Variants in GABRD observed in about 807,000 individuals in gnomAD.
The protein encoded by GABRD is gamma-aminobutyric acid type A receptor subunit delta.
A neutral mutation model predicts 47.3 loss-of-function variants in GABRD; 25 were observed. The observed-to-expected ratio is 0.53, with a 90% CI of 0.39 to 0.74. GABRD has a LOEUF of 0.74. Ranked by LOEUF, GABRD falls within the 30% of genes least tolerant of loss-of-function variation. The pLI, the probability that GABRD is intolerant of heterozygous loss-of-function variation, is 0.00. For missense variants in GABRD, 497 were observed against 643.4 expected (o/e 0.77, Z 2.46); for synonymous variants, 314 against 278.8 (o/e 1.13, Z -1.26).
chr1:2,029,394 G>C, intron 7 of GABRD, 128 bp downstream of exon 7: 5 of 1,416,790 alleles, frequency 3.5e-6, no homozygotes, highest in Non-Finnish European at 4.7e-6. Context: ...GCAGTGGCCA[G>C]CCGGGCCAGG....
In GABRD at chr1:2,019,397, G is replaced by T; in HGVS notation, c.-27G>T. 3.8e-6 allele frequency: 4 copies of T among 1,054,034 alleles called. No individual in the cohort carries two copies. Among genetic ancestry groups the T allele is most frequent in the South Asian group, 7.5e-5 (2 of 26,798 alleles). 65.3% of individuals were successfully genotyped at this position (1,054,034 alleles called of 1,614,324 possible). A position where few individuals can be genotyped will look rare whatever the true frequency, so the allele number is the denominator to read the frequency against. On this transcript the variant is annotated 5_prime_UTR_variant, in exon 1 of 9. Transcript: ENST00000378585. ...CGGCCGCCGGGAGCCAAGTTTGCGC[G>T]GACCCCGTCCCGAGCCCGCCGCGGC...
intron 1 of GABRD, 100 bp from the exon 2 acceptor site, chr1:2,024,842 C>G: frequency 1.2e-6 from 1 of 841,868 alleles, no homozygotes; most frequent in Non-Finnish European, 1.9e-6. Flanking sequence ...ATGCCCTGGC[C>G]CAGGTGCCCA....
chr1:2,029,322 G>T, intron 7 of GABRD, 56 bp downstream of exon 7: 1 of 1,520,622 alleles, frequency 6.6e-7, no homozygotes, highest in Non-Finnish European at 8.8e-7. Context: ...TGGGGAACAG[G>T]ACTCCCCATC....
In GABRD at chr1:2,028,206, A is replaced by G. The variant is rs1658981961; in HGVS notation, c.605A>G (p.His202Arg). Residue 202 changes from histidine to arginine, a missense_variant, in exon 6 of 9, where the codon CAC becomes CGC. Around this residue, in one of 3 missense-constraint regions of GABRD, gnomAD observed 285 missense variants for 436.6 expected, o/e 0.65. Coordinates refer to ENST00000378585, the MANE Select transcript of GABRD (RefSeq NM_000815.5). The surrounding 1 kb of genome is among the most constrained non-coding windows in gnomAD (Gnocchi z 6.4). ...IVYYWSESQE[H>R]IHGLDKLQLA... Reference sequence around the variant, plus strand: ...TACTACTGGTCGGAGAGCCAGGAGCACATCCACGGGCTGGACAAGCTGCAG... The same window carrying G: ...TACTACTGGTCGGAGAGCCAGGAGCGCATCCACGGGCTGGACAAGCTGCAG... The G allele has an allele frequency of 3.7e-6, 6 of 1,612,584 alleles. No individual in the cohort carries two copies. The highest frequency in any genetic ancestry group is 5.1e-6 in the Non-Finnish European group (6 of 1,179,830).
chr1:2,028,411 T>A lies in GABRD; in HGVS notation c.691+119T>A. ...GTGCGCCCGCCTGTGGTTTTCATGC[T>A]TTTTAGTCAAGCGCCCGCAGGCCCC... is the stretch of plus-strand genomic sequence containing the variant. On this transcript the variant is annotated intron_variant, in intron 6 of 8. Coordinates refer to ENST00000378585, the MANE Select transcript of GABRD (RefSeq NM_000815.5). The surrounding 1 kb of genome is among the most constrained non-coding windows in gnomAD (Gnocchi z 6.4). The A allele has an allele frequency of 8.5e-7, 1 of 1,170,922 alleles. No homozygotes were observed. Among genetic ancestry groups the A allele is most frequent in the Non-Finnish European group, 1.1e-6 (1 of 912,338 alleles). The allele number at this position is 1,170,922 out of a possible 1,614,324, so 72.5% of individuals were successfully genotyped here.
intron 4 of GABRD, among the ~76,000 whole-genome samples, chr1:2,025,958 C>G (rs1658914899): frequency 6.6e-6 from 1 of 152,240 alleles, no homozygotes; most frequent in African/African-American, 2.4e-5. Flanking sequence ...GCAGATGTGG[C>G]TTTTTGGCCA....
At chr1:2,022,742 C>A (rs545762544) in intron 1 of GABRD, among the ~76,000 whole-genome samples, 1 of 152,372 alleles carries the variant, frequency 6.6e-6, no homozygotes, top group South Asian at 2.1e-4. Context: ...CCTCCTTAGC[C>A]CTGTGCCGGG....
intron 5 of GABRD, 71 bp downstream of exon 5, chr1:2,027,730 C>A: frequency 7.2e-7 from 1 of 1,388,566 alleles, no homozygotes; most frequent in South Asian, 1.2e-5. Flanking sequence ...CAGCCCGGGG[C>A]CTGGACAAGG....
chr1:2,027,582 C>T lies in GABRD; in HGVS notation c.476C>T (p.Thr159Ile), dbSNP rs955512295. 1 of 1,613,352 alleles carries T rather than the reference C, an allele frequency of 6.2e-7. No homozygotes were observed. Among genetic ancestry groups the T allele is most frequent in the Non-Finnish European group, 8.5e-7 (1 of 1,179,738 alleles). The change falls in exon 5 of 9, where the codon ACC (threonine) becomes ATC (isoleucine). Residue 159 changes from threonine to isoleucine, a missense_variant. Transcript: ENST00000378585. Reference protein sequence around the residue: ...DGVILYSIRITSTVACDMDLA... With the variant: ...DGVILYSIRIISTVACDMDLA... ...TGCCATGCTTGTCTTGGCAGAATCA[C>T]CTCCACTGTGGCCTGCGACATGGAC... is the stretch of plus-strand genomic sequence containing the variant.
chr1:2,027,801 C>A (rs759842260), intron 5 of GABRD, 142 bp downstream of exon 5: 1 of 797,252 alleles, frequency 1.3e-6, no homozygotes. Flanking sequence ...GAAGCCTGGG[C>A]AGGAGGAGAA....
In GABRD at chr1:2,027,628, C is replaced by A. The variant is rs534661864; in HGVS notation, c.522C>A (p.Asp174Glu). The change falls in exon 5 of 9, where the codon GAC (aspartate) becomes GAA (glutamate). Residue 174 changes from aspartate (D) to glutamate (E), a missense_variant. Asp to Glu is a conservative substitution (Grantham distance 45). Coordinates refer to ENST00000378585, the MANE Select transcript of GABRD (RefSeq NM_000815.5). The part of the protein sequence containing the change: ...CDMDLAKYPM[D>E]EQECMLDLES... ...TGGACCTGGCCAAATACCCCATGGACGAGCAGGAGTGCATGCTGGACCTGG... is the reference window on the plus strand; with the variant it reads ...TGGACCTGGCCAAATACCCCATGGAAGAGCAGGAGTGCATGCTGGACCTGG... 6.2e-7 allele frequency: 1 copy of A among 1,613,936 alleles called. No individual in the cohort carries two copies.
At position 2,028,545 on chromosome 1, in the gene GABRD, T is replaced by A. The variant is rs540196780; in HGVS notation, c.691+253T>A. On this transcript the variant is annotated intron_variant, in intron 6 of 8. Coordinates refer to ENST00000378585, the MANE Select transcript of GABRD (RefSeq NM_000815.5). This position sits in a 1 kb window ranked among gnomAD's most constrained non-coding sequence, Gnocchi z 6.4. ...AGGCCTGCCATTGTGTGGGCGTGGG[T>A]CAGGCCTTCCCATCTCACTCCTTGG... Among the ~76,000 whole-genome samples the A allele has an allele frequency of 6.6e-5, 10 of 152,150 alleles. No individual in the cohort carries two copies. In the East Asian group the frequency reaches 1.9e-3, roughly 29 times the overall value.
intron 1 of GABRD, among the ~76,000 whole-genome samples, chr1:2,019,819 G>A (rs949565284): frequency 6.6e-6 from 1 of 152,196 alleles, no homozygotes; most frequent in African/African-American, 2.4e-5. Context: ...AGGGTCCCCG[G>A]GTCCGCGGCA....
intron 1 of GABRD, 83 bp downstream of exon 1, chr1:2,019,574 C>T (rs1336508282): frequency 3.5e-6 from 3 of 853,740 alleles, no homozygotes; most frequent in Non-Finnish European, 4.4e-6. Flanking sequence ...GGGAGAGCGG[C>T]CGGCGCGAGC....
chr1:2,027,509 G>T, intron 4 of GABRD, 68 bp from the exon 5 acceptor site: 1 of 1,308,950 alleles, frequency 7.6e-7, no homozygotes, highest in East Asian at 2.5e-5. Flanking sequence ...TCTCTGCAGG[G>T]GAACTGCCAG....
At position 2,019,402 on chromosome 1, in the gene GABRD, C is replaced by G; in HGVS notation, c.-22C>G. 1 of 1,061,898 alleles carries G rather than the reference C, an allele frequency of 9.4e-7. No homozygotes were observed. The highest frequency in any genetic ancestry group is 1.1e-6 in the Non-Finnish European group (1 of 881,236). The allele number at this position is 1,061,898 out of a possible 1,614,324, so 65.8% of individuals were successfully genotyped here. On this transcript the variant is annotated 5_prime_UTR_variant, in exon 1 of 9. Coordinates refer to ENST00000378585, the MANE Select transcript of GABRD (RefSeq NM_000815.5). ...GCCGGGAGCCAAGTTTGCGCGGACCCCGTCCCGAGCCCGCCGCGGCCATGG... is the reference window on the plus strand; with the variant it reads ...GCCGGGAGCCAAGTTTGCGCGGACCGCGTCCCGAGCCCGCCGCGGCCATGG...
At chr1:2,026,711 T>G in intron 4 of GABRD, 1 of 152,062 alleles carries the variant, frequency 6.6e-6, no homozygotes, top group East Asian at 1.9e-4. Context: ...GGTGGGGGCC[T>G]GTAGTCCCAG....
chr1:2,030,058 C>T lies in GABRD; in HGVS notation c.1135C>T (p.Arg379Trp), dbSNP rs754636335. 38 of 1,611,330 alleles carry T rather than the reference C, an allele frequency of 2.4e-5. No homozygotes were observed. Among genetic ancestry groups the T allele is most frequent in the East Asian group, 8.9e-5 (4 of 44,886 alleles). ...CACGCAGGAGCTGGCCATCTCCCGC[C>T]GGCAGCGCCGCGTCCCGGGGAACCT... ...GVTQELAISR[R>W]QRRVPGNLMG... is the part of the protein sequence containing the mutation. The change falls in exon 9 of 9, where the codon CGG (arginine) becomes TGG (tryptophan). Residue 379 changes from arginine to tryptophan, a missense_variant. Arg to Trp is a moderately radical substitution (Grantham distance 101). Around this residue, in one of 3 missense-constraint regions of GABRD, gnomAD observed 121 missense variants for 121.3 expected, o/e 1.00. Transcript: ENST00000378585.
At position 2,019,466 on chromosome 1, in the gene GABRD, T is replaced by A. The variant is rs1658715076; in HGVS notation, c.43T>A (p.Cys15Ser). ...GCTGCTGGCCCCGCTCCTGCTCCTC[T>A]GCGCGCAGCAGCTCCGCGGCACCAG... is the stretch of plus-strand genomic sequence containing the variant. Reference protein sequence around the residue: ...ARLLAPLLLLCAQQLRGTRAM... With the variant: ...ARLLAPLLLLSAQQLRGTRAM... The change falls in exon 1 of 9, where the codon TGC becomes AGC. Residue 15 changes from cysteine to serine, a missense_variant. Physicochemically the swap from Cys to Ser is moderately radical, Grantham distance 112. Around this residue, in one of 3 missense-constraint regions of GABRD, gnomAD observed 91 missense variants for 85.5 expected, o/e 1.06. Transcript: ENST00000378585. 1.9e-6 allele frequency: 2 copies of A among 1,063,662 alleles called. No individual in the cohort carries two copies. The highest frequency in any genetic ancestry group is 2.3e-6 in the Non-Finnish European group (2 of 882,442). 65.9% of individuals were successfully genotyped at this position (1,063,662 alleles called of 1,614,324 possible). A position where few individuals can be genotyped will look rare whatever the true frequency, so the allele number is the denominator to read the frequency against.
Sources: gnomAD v4.1 joint callset for allele counts (sites outside exome capture counted in the v4.1 genomes callset) on GRCh38, gnomAD v4.1.1 for gene constraint, gnomAD v4.1.1 regional missense constraint, Gnocchi (gnomAD v3.1) non-coding constraint, MANE v1.5 for transcripts, NCBI Gene and HGNC (gene_info 2026-07-23, HGNC 2026-07-21) for gene names.